Variants in GALNTL6 observed in about 807,000 individuals in gnomAD.
GALNTL6 encodes the protein polypeptide N-acetylgalactosaminyltransferase-like 6.
Under a neutral mutation model 73.7 loss-of-function variants are expected in GALNTL6, and 46 were observed. The observed-to-expected ratio is 0.62, with a 90% CI of 0.49 to 0.80. The LOEUF (loss-of-function observed/expected upper bound fraction) is 0.80. Among genes scored for constraint, GALNTL6 ranks in the 30% least tolerant of loss-of-function variants. The probability of loss-of-function intolerance (pLI) is 0.00; values close to 1 mark genes in which losing one functional copy is unlikely to be tolerated. For missense variants in GALNTL6, 604 were observed against 755.0 expected (o/e 0.80, Z 2.34); for synonymous variants, 259 against 263.7 (o/e 0.98, Z 0.17).
chr4:173,021,543 T>C lies in GALNTL6; in HGVS notation c.1556T>C (p.Phe519Ser). The change falls in exon 12 of 13, where the codon TTT (phenylalanine) becomes TCT (serine). Residue 519 changes from phenylalanine (F) to serine (S), a missense_variant. Coordinates refer to ENST00000506823, the MANE Select transcript of GALNTL6 (RefSeq NM_001034845.3). ...CCACTGCATACCCGGAAATTCTGCTTTGATGCGATCTCACACAACAGCCCC... is the reference window on the plus strand; with the variant it reads ...CCACTGCATACCCGGAAATTCTGCTCTGATGCGATCTCACACAACAGCCCC... ...GEPLHTRKFC[F>S]DAISHNSPVT... 6.2e-7 allele frequency: 1 copy of C among 1,614,176 alleles called. No homozygotes were observed. Among genetic ancestry groups the C allele is most frequent in the Non-Finnish European group, 8.5e-7 (1 of 1,180,008 alleles).
intron 5 of GALNTL6, among the ~76,000 whole-genome samples, chr4:172,601,521 A>G (rs1738051410): frequency 6.6e-6 from 1 of 152,120 alleles, no homozygotes; most frequent in Non-Finnish European, 1.5e-5. Flanking sequence ...CTCTCTCACG[A>G]TGGATCACTT....
chr4:172,459,095 A>G, intron 5 of GALNTL6, among the ~76,000 whole-genome samples: 1 of 152,250 alleles, frequency 6.6e-6, no homozygotes, highest in East Asian at 1.9e-4. Context: ...TCACATAAAC[A>G]GAACCAATGA....
At chr4:172,834,155 C>A (rs1413640458) in intron 7 of GALNTL6, among the ~76,000 whole-genome samples, 1 of 152,038 alleles carries the variant, frequency 6.6e-6, no homozygotes, top group African/African-American at 2.4e-5. Context: ...CCAAGAATCC[C>A]TTAACAAGAA....
chr4:172,568,723 A>C (rs1159875354), intron 5 of GALNTL6, among the ~76,000 whole-genome samples: 1 of 126,020 alleles, frequency 7.9e-6, no homozygotes, highest in African/African-American at 3.0e-5. Flanking sequence ...GCGCCACTGC[A>C]CTCCAGCCTG....
chr4:172,862,526 C>T (rs1417926039), intron 7 of GALNTL6, among the ~76,000 whole-genome samples: 2 of 152,070 alleles, frequency 1.3e-5, no homozygotes, highest in African/African-American at 4.8e-5. Flanking sequence ...GTGAAAACCT[C>T]ATCTCTATCA....
At chr4:172,400,920 A>T (rs1744012369) in intron 5 of GALNTL6, among the ~76,000 whole-genome samples, 1 of 152,178 alleles carries the variant, frequency 6.6e-6, no homozygotes, top group Non-Finnish European at 1.5e-5. Context: ...TAGGAGAATG[A>T]TTATTTTTGT....
intron 9 of GALNTL6, among the ~76,000 whole-genome samples, chr4:172,937,161 A>T (rs1179717965): frequency 6.6e-6 from 1 of 152,102 alleles, no homozygotes; most frequent in African/African-American, 2.4e-5. Context: ...TAGGGCCTTG[A>T]ACAGGAAGTA....
intron 2 of GALNTL6, among the ~76,000 whole-genome samples, chr4:172,112,572 T>C (rs1732882144): frequency 6.6e-6 from 1 of 152,074 alleles, no homozygotes. Context: ...TTGTCAGTGT[T>C]CTGGAATTTG....
intron 7 of GALNTL6, among the ~76,000 whole-genome samples, chr4:172,826,263 C>T (rs4696030): frequency 0.68 from 103,940 of 152,142 alleles, 39,497 homozygotes; most frequent in Non-Finnish European, 0.87. Flanking sequence ...TTCAAAACAA[C>T]CCAGAGAGTA....
intron 2 of GALNTL6, among the ~76,000 whole-genome samples, chr4:172,201,356 G>A (rs1264254074): frequency 2.6e-5 from 4 of 151,468 alleles, no homozygotes; most frequent in South Asian, 2.1e-4. Context: ...ACAGGTGCAC[G>A]CCACCACGCC....
chr4:172,036,212 T>C (rs1029075138), intron 2 of GALNTL6, among the ~76,000 whole-genome samples: 7 of 152,088 alleles, frequency 4.6e-5, no homozygotes, highest in Admixed American at 6.6e-5. Context: ...GTAATTCAGT[T>C]TATAGAAAAA....
chr4:171,881,546 CA>C (rs1736448664), intron 2 of GALNTL6, among the ~76,000 whole-genome samples: 1 of 152,152 alleles, frequency 6.6e-6, no homozygotes, highest in South Asian at 2.1e-4. Flanking sequence ...CCCACTGACT[CA>C]AATGTTGTCT....
intron 5 of GALNTL6, among the ~76,000 whole-genome samples, chr4:172,351,181 G>GTCTGTCTGTCTATCTATTTA (rs139731159): frequency 2.4e-5 from 3 of 122,518 alleles, no homozygotes; most frequent in Non-Finnish European, 5.2e-5. Flanking sequence ...ACAATAATCT[G>GTCTGTCTGTCTATCTATTTA]TCTATCTATC....
At chr4:172,650,702 A>G (rs111756479) in intron 5 of GALNTL6, among the ~76,000 whole-genome samples, 10 of 152,352 alleles carry the variant, frequency 6.6e-5, no homozygotes, top group African/African-American at 2.2e-4. Context: ...GTCACAGATG[A>G]CAATGGACTT....
At chr4:172,736,165 G>C (rs1200766460) in intron 5 of GALNTL6, among the ~76,000 whole-genome samples, 2 of 152,206 alleles carry the variant, frequency 1.3e-5, no homozygotes, top group African/African-American at 4.8e-5. Flanking sequence ...GGTCTGACTA[G>C]AATTTCACCT....
intron 5 of GALNTL6, among the ~76,000 whole-genome samples, chr4:172,384,755 C>G (rs1743401363): frequency 6.6e-6 from 1 of 151,950 alleles, no homozygotes; most frequent in Non-Finnish European, 1.5e-5. Context: ...TTAAAGAATG[C>G]TTTAGCTGCA....
At chr4:172,495,285 A>G (rs183907382) in intron 5 of GALNTL6, among the ~76,000 whole-genome samples, 3 of 152,278 alleles carry the variant, frequency 2.0e-5, no homozygotes, top group Admixed American at 1.3e-4. Context: ...AGTTCCAAGT[A>G]CCATCGGTCA....
At chr4:172,171,760 C>T (rs996095587) in intron 2 of GALNTL6, among the ~76,000 whole-genome samples, 3 of 151,928 alleles carry the variant, frequency 2.0e-5, no homozygotes, top group South Asian at 2.1e-4. Flanking sequence ...GGAAGGCACA[C>T]GTTGCAGTGA....
intron 2 of GALNTL6, among the ~76,000 whole-genome samples, chr4:172,224,851 G>A (rs569265551): frequency 1.3e-5 from 2 of 152,210 alleles, no homozygotes; most frequent in African/African-American, 4.8e-5. Flanking sequence ...CTTGGAAATA[G>A]TTTCTTATGA....
Sources: allele counts gnomAD v4.1 joint callset (sites outside exome capture counted in the v4.1 genomes callset), GRCh38; gene constraint gnomAD v4.1.1; transcripts MANE v1.5; gene names NCBI Gene and HGNC (gene_info 2026-07-23, HGNC 2026-07-21).